Variants in DLG2 observed in about 807,000 individuals in gnomAD.
DLG2 encodes the protein disks large homolog 2.
Under a neutral mutation model 132.5 loss-of-function variants are expected in DLG2, and 45 were observed. The ratio of observed to expected loss-of-function variants is 0.34; its 90% confidence interval spans 0.27 to 0.44. The LOEUF is 0.44. Ranked by LOEUF, DLG2 falls within the 20% of genes least tolerant of loss-of-function variation. The probability of loss-of-function intolerance (pLI) is 1.00; values close to 1 mark genes in which losing one functional copy is unlikely to be tolerated. For synonymous variants in DLG2, 424 were observed against 419.6 expected (o/e 1.01, Z -0.13); for missense variants, 1,045 against 1,196.9 (o/e 0.87, Z 1.87).
At chr11:83,985,622 C>G (rs1490751888) in intron 11 of DLG2, among the ~76,000 whole-genome samples, 2 of 152,032 alleles carry the variant, frequency 1.3e-5, no homozygotes, top group Non-Finnish European at 2.9e-5. Context: ...GTTTTCTGTT[C>G]CTGTGTTACT....
At chr11:83,669,337 G>T (rs2076428139) in intron 18 of DLG2, among the ~76,000 whole-genome samples, 1 of 152,118 alleles carries the variant, frequency 6.6e-6, no homozygotes. Context: ...GTATGTTTCT[G>T]CTGAAAAGTC....
intron 6 of DLG2, among the ~76,000 whole-genome samples, chr11:84,698,131 T>A (rs1340214002): frequency 6.6e-6 from 1 of 151,490 alleles, no homozygotes; most frequent in Admixed American, 6.6e-5. Context: ...AAATACACAA[T>A]AGTTCTTGGA....
At chr11:85,322,892 A>G (rs191725392) in intron 3 of DLG2, among the ~76,000 whole-genome samples, 273 of 152,292 alleles carry the variant, frequency 1.8e-3, no homozygotes, top group African/African-American at 6.3e-3. Context: ...CACCTGCACT[A>G]CCACAAGAGC....
At chr11:85,571,501 C>G (rs2077842286) in intron 3 of DLG2, among the ~76,000 whole-genome samples, 1 of 152,118 alleles carries the variant, frequency 6.6e-6, no homozygotes, top group Non-Finnish European at 1.5e-5. Flanking sequence ...CTCATGCAAG[C>G]AGTTACAACT....
rs1178258468 is a variant in DLG2, at chr11:83,792,208, T to C, written c.1723-5416A>G. Among the ~76,000 whole-genome samples, 5 of 152,322 alleles carry C rather than the reference T, an allele frequency of 3.3e-5. No individual in the cohort carries two copies. The East Asian group carries it at 9.6e-4, about 29-fold the overall frequency. ...TACTATGAACACTTATAAAAGTGTT[T>C]CTGAAGGATAAGTTCCCTGGAAAGA... On this transcript the variant is annotated intron_variant, in intron 17 of 27. Coordinates refer to ENST00000376104, the MANE Select transcript of DLG2 (RefSeq NM_001142699.3).
At chr11:84,629,998 A>C (rs2154543589) in intron 6 of DLG2, among the ~76,000 whole-genome samples, 1 of 152,308 alleles carries the variant, frequency 6.6e-6, no homozygotes, top group African/African-American at 2.4e-5. Flanking sequence ...CTCTCCAGGC[A>C]GTTGTTGACT....
At chr11:85,269,827 G>T (rs1053620251) in intron 4 of DLG2, among the ~76,000 whole-genome samples, 20 of 152,116 alleles carry the variant, frequency 1.3e-4, no homozygotes, top group African/African-American at 4.6e-4. Context: ...TCACTTACTG[G>T]TTGTGTAATG....
intron 6 of DLG2, among the ~76,000 whole-genome samples, chr11:84,819,683 A>G (rs2077465913): frequency 6.6e-6 from 1 of 151,938 alleles, no homozygotes; most frequent in Admixed American, 6.6e-5. Flanking sequence ...TTTAACAGGA[A>G]ACCTCAGATA....
intron 6 of DLG2, among the ~76,000 whole-genome samples, chr11:84,837,558 C>G (rs2079988078): frequency 6.6e-6 from 1 of 151,762 alleles, no homozygotes; most frequent in South Asian, 2.1e-4. Flanking sequence ...CATTTGTAAT[C>G]AGAGTCAGAC....
intron 7 of DLG2, among the ~76,000 whole-genome samples, chr11:84,390,315 G>T (rs992671262): frequency 5.9e-5 from 9 of 152,142 alleles, no homozygotes; most frequent in African/African-American, 2.2e-4. Context: ...AATGTCAACT[G>T]CACAAAAGGC....
At chr11:84,246,119 T>C (rs2097299280) in intron 8 of DLG2, among the ~76,000 whole-genome samples, 2 of 152,240 alleles carry the variant, frequency 1.3e-5, no homozygotes, top group African/African-American at 2.4e-5. Context: ...CCTGGTACAA[T>C]GGCACCCCAC....
At chr11:84,833,525 A>G (rs1045822227) in intron 6 of DLG2, among the ~76,000 whole-genome samples, 5 of 151,558 alleles carry the variant, frequency 3.3e-5, no homozygotes, top group Non-Finnish European at 5.9e-5. Context: ...GGGTTTTCAC[A>G]TTGACATCAT....
chr11:84,145,012 A>G (rs1163268369), intron 9 of DLG2, among the ~76,000 whole-genome samples: 1 of 152,198 alleles, frequency 6.6e-6, no homozygotes, highest in Non-Finnish European at 1.5e-5. Flanking sequence ...CAATATTCTC[A>G]GAATCTGGTA....
intron 6 of DLG2, among the ~76,000 whole-genome samples, chr11:84,571,946 T>C (rs889446381): frequency 1.1e-4 from 16 of 152,150 alleles, no homozygotes; most frequent in African/African-American, 3.9e-4. Flanking sequence ...TTGCTTCTTG[T>C]CAGTTTGATT....
chr11:84,840,383 C>T lies in DLG2; in HGVS notation c.357+271278G>A, dbSNP rs796381489. Among the ~76,000 whole-genome samples, 83 of 152,302 alleles carry T rather than the reference C, an allele frequency of 5.4e-4. 1 individual carries two copies. Among genetic ancestry groups the T allele is most frequent in the African/African-American group, 2.0e-3 (82 of 41,586 alleles). ...GTGGAGATATAGGAATGCTTTTACA[C>T]TGTTGATGGTAGTGTAAACTAGTTC... is the stretch of plus-strand genomic sequence containing the variant. On this transcript the variant is annotated intron_variant, in intron 6 of 27. Coordinates refer to ENST00000376104, the MANE Select transcript of DLG2 (RefSeq NM_001142699.3).
At chr11:84,888,374 T>C (rs1016233694) in intron 6 of DLG2, among the ~76,000 whole-genome samples, 2 of 152,102 alleles carry the variant, frequency 1.3e-5, no homozygotes, top group African/African-American at 4.8e-5. Flanking sequence ...TATCTATCTT[T>C]TCCTGCCCTC....
intron 7 of DLG2, among the ~76,000 whole-genome samples, chr11:84,343,550 T>C (rs2098525437): frequency 6.6e-6 from 1 of 152,194 alleles, no homozygotes; most frequent in South Asian, 2.1e-4. Flanking sequence ...GCTTGAAATC[T>C]AGTGGAAACA....
At position 84,117,918 on chromosome 11, in the gene DLG2, C is replaced by T. The variant is rs186554744; in HGVS notation, c.625-18871G>A. 4.6e-5 allele frequency among the ~76,000 whole-genome samples: 7 copies of T among 152,112 alleles called. 1 individual carries two copies. In the East Asian group the frequency reaches 7.7e-4, roughly 17 times the overall value. On this transcript the variant is annotated intron_variant, in intron 9 of 27. Transcript: ENST00000376104. ...TTGCCCAGGCTGGAGTGCAACGGTG[C>T]GATCTCGGCTCACTGTGGCCTCTGT...
intron 6 of DLG2, among the ~76,000 whole-genome samples, chr11:84,726,152 C>G (rs758227455): frequency 2.0e-5 from 3 of 152,108 alleles, no homozygotes; most frequent in Non-Finnish European, 4.4e-5. Flanking sequence ...TTCTGAGGTA[C>G]ATGTGCAGAA....
Sources: gnomAD v4.1 joint callset for allele counts (sites outside exome capture counted in the v4.1 genomes callset) on GRCh38, gnomAD v4.1.1 for gene constraint, MANE v1.5 for transcripts, NCBI Gene and HGNC (gene_info 2026-07-23, HGNC 2026-07-21) for gene names.